The following ADGRL3 variants were observed in gnomAD, a reference collection of about 807,000 sequenced individuals.
ADGRL3 encodes the protein calcium-independent alpha-latrotoxin receptor 3.
ADGRL3 carries 62 observed loss-of-function variants against 153.5 expected under a neutral mutation model. That is an observed-to-expected ratio of 0.40 (90% CI 0.33 to 0.50). The LOEUF is 0.50. ADGRL3 is among the 20% of genes least tolerant of loss of function. The pLI, the probability that ADGRL3 is intolerant of heterozygous loss-of-function variation, is 0.47. For synonymous variants in ADGRL3, 710 were observed against 672.5 expected, an observed-to-expected ratio of 1.06 and a Z score of -0.86; for missense variants, 1,641 against 1,859.4, an observed-to-expected ratio of 0.88 and a Z score of 2.16.
intron 8 of ADGRL3, among the ~76,000 whole-genome samples, chr4:61,768,221 G>C (rs370485840): frequency 6.6e-6 from 1 of 152,118 alleles, no homozygotes; most frequent in Non-Finnish European, 1.5e-5. Flanking sequence ...GTCGGGGAGG[G>C]CTAGTCACAG....
chr4:61,763,010 C>A (rs2096931043), intron 8 of ADGRL3, among the ~76,000 whole-genome samples: 1 of 151,936 alleles, frequency 6.6e-6, no homozygotes, highest in Non-Finnish European at 1.5e-5. Context: ...AGTCATTCTA[C>A]CTTAGGACAA....
At chr4:61,699,025 G>C (rs2095697967) in intron 6 of ADGRL3, among the ~76,000 whole-genome samples, 1 of 152,156 alleles carries the variant, frequency 6.6e-6, no homozygotes, top group Non-Finnish European at 1.5e-5. Flanking sequence ...ATCAGAAATG[G>C]TAATAATACG....
At chr4:61,250,647 G>A (rs1016500600) in intron 1 of ADGRL3, among the ~76,000 whole-genome samples, 1 of 152,182 alleles carries the variant, frequency 6.6e-6, no homozygotes, top group Admixed American at 6.5e-5. Flanking sequence ...ATCGTTTAGT[G>A]ATACTTATAC....
intron 4 of ADGRL3, among the ~76,000 whole-genome samples, chr4:61,557,475 G>T (rs1479885324): frequency 6.6e-6 from 1 of 152,146 alleles, no homozygotes; most frequent in African/African-American, 2.4e-5. Context: ...TAAAAATAAA[G>T]CAGTAAAAGT....
intron 2 of ADGRL3, among the ~76,000 whole-genome samples, chr4:61,402,379 A>G (rs1364317963): frequency 1.3e-5 from 2 of 152,146 alleles, no homozygotes; most frequent in Non-Finnish European, 2.9e-5. Context: ...TTGATGATCC[A>G]TTCCCCATTT....
intron 9 of ADGRL3, among the ~76,000 whole-genome samples, chr4:61,857,402 G>A (rs572122028): frequency 6.6e-6 from 1 of 152,174 alleles, no homozygotes; most frequent in East Asian, 1.9e-4. Flanking sequence ...TTTTATCAAG[G>A]AAAATGAGGT....
At position 62,007,564 on chromosome 4, in the gene ADGRL3, TC is replaced by T. The variant is rs2099166245; in HGVS notation, c.3395+9301del. Among the ~76,000 whole-genome samples the T allele has an allele frequency of 2.7e-5, 4 of 149,596 alleles. No homozygotes were observed. In the South Asian group the frequency reaches 8.5e-4, roughly 32 times the overall value. On this transcript the variant is annotated intron_variant, in intron 21 of 26. Coordinates refer to ENST00000683033, the MANE Select transcript of ADGRL3 (RefSeq NM_001387552.1). ...TGGAAGATCAAGTATGAGTTTAGAA[TC>T]CTTTGACATCTTAGAGTTCCATCCA...
chr4:61,747,434 T>C (rs1368590484), intron 8 of ADGRL3, among the ~76,000 whole-genome samples: 1 of 151,528 alleles, frequency 6.6e-6, no homozygotes, highest in Non-Finnish European at 1.5e-5. Context: ...ATATCTTTGA[T>C]GAACATTGAT....
chr4:62,009,683 C>T (rs1035518352), intron 21 of ADGRL3, among the ~76,000 whole-genome samples: 1 of 152,116 alleles, frequency 6.6e-6, no homozygotes, highest in African/African-American at 2.4e-5. Context: ...CACACATCTA[C>T]CAGTGCTCCA....
chr4:61,480,465 A>G (rs142168673), intron 2 of ADGRL3, among the ~76,000 whole-genome samples: 1 of 152,110 alleles, frequency 6.6e-6, no homozygotes. Flanking sequence ...TTAAAATTCC[A>G]TAGCAAAAAA....
chr4:62,066,447 G>C (rs547407670), intron 25 of ADGRL3, among the ~76,000 whole-genome samples: 1 of 151,968 alleles, frequency 6.6e-6, no homozygotes, highest in African/African-American at 2.4e-5. Context: ...TACAGAATTA[G>C]GAATGAAGAT....
At chr4:61,610,887 T>C (rs1429002340) in intron 5 of ADGRL3, among the ~76,000 whole-genome samples, 3 of 152,024 alleles carry the variant, frequency 2.0e-5, no homozygotes. Context: ...TTGCATATAA[T>C]CAGCATTAGC....
At chr4:61,768,376 A>G (rs918770475) in intron 8 of ADGRL3, among the ~76,000 whole-genome samples, 3 of 148,464 alleles carry the variant, frequency 2.0e-5, no homozygotes, top group Non-Finnish European at 4.4e-5. Context: ...GAAAAGGAAG[A>G]TTAGAAAGAC....
At chr4:61,550,003 A>G (rs1237885662) in intron 4 of ADGRL3, among the ~76,000 whole-genome samples, 1 of 151,986 alleles carries the variant, frequency 6.6e-6, no homozygotes, top group Non-Finnish European at 1.5e-5. Context: ...TTATTAAATC[A>G]CATTTAATAT....
At chr4:61,890,845 A>C (rs2098576095) in intron 9 of ADGRL3, among the ~76,000 whole-genome samples, 1 of 152,186 alleles carries the variant, frequency 6.6e-6, no homozygotes, top group South Asian at 2.1e-4. Context: ...CCATTGACAC[A>C]CTTTTTTTTA....
At chr4:61,775,699 A>C in intron 8 of ADGRL3, 6 of 1,408,168 alleles carry the variant, frequency 4.3e-6, no homozygotes, top group Non-Finnish European at 6.0e-6. Context: ...GGATGCAAGC[A>C]CACAAAGGTG....
At chr4:61,321,394 A>T (rs183551858) in intron 1 of ADGRL3, among the ~76,000 whole-genome samples, 3 of 152,168 alleles carry the variant, frequency 2.0e-5, no homozygotes, top group Non-Finnish European at 4.4e-5. Flanking sequence ...TGTAAGTTGA[A>T]CTAACTATTC....
chr4:61,281,453 A>C (rs10008837), intron 1 of ADGRL3, among the ~76,000 whole-genome samples: 117,084 of 151,630 alleles, frequency 0.77, 45,733 homozygotes, highest in Non-Finnish European at 0.84. Context: ...GAGGACTTAC[A>C]ATGCTTGCAG....
intron 5 of ADGRL3, among the ~76,000 whole-genome samples, chr4:61,601,551 T>C (rs1384706592): frequency 1.3e-5 from 2 of 152,208 alleles, no homozygotes; most frequent in African/African-American, 2.4e-5. Flanking sequence ...ATTGTGTTCA[T>C]GAAGCCCAAA....
Sources: allele counts gnomAD v4.1 joint callset (sites outside exome capture counted in the v4.1 genomes callset), GRCh38; gene constraint gnomAD v4.1.1; transcripts MANE v1.5; gene names NCBI Gene and HGNC (gene_info 2026-07-23, HGNC 2026-07-21).